The following POLDIP2 variants were observed in gnomAD, a reference collection of about 807,000 sequenced individuals.
The protein encoded by POLDIP2 is polymerase delta-interacting protein 2.
POLDIP2 carries 32 observed loss-of-function variants against 52.9 expected under a neutral mutation model. The ratio of observed to expected loss-of-function variants is 0.61; its 90% confidence interval spans 0.46 to 0.81. POLDIP2 has a LOEUF of 0.81. Among genes scored for constraint, POLDIP2 ranks in the 40% least tolerant of loss-of-function variants. The pLI, the probability that POLDIP2 is intolerant of heterozygous loss-of-function variation, is 0.00. For missense variants in POLDIP2, 371 were observed against 477.3 expected, an observed-to-expected ratio of 0.78 and a Z score of 2.07; for synonymous variants, 183 against 183.0, an observed-to-expected ratio of 1.00 and a Z score of 0.00.
At chr17:28,348,859 A>G (rs574795840) in intron 10 of POLDIP2, among the ~76,000 whole-genome samples, 1 of 152,362 alleles carries the variant, frequency 6.6e-6, no homozygotes, top group African/African-American at 2.4e-5. Context: ...TCAAATCACC[A>G]GACCTCTTTA....
chr17:28,355,776 G>A lies in POLDIP2; in HGVS notation c.243+19C>T, dbSNP rs1908000967. On this transcript the variant is annotated intron_variant, in intron 2 of 10. Coordinates refer to ENST00000540200, the MANE Select transcript of POLDIP2 (RefSeq NM_015584.5). The stretch of plus-strand genomic sequence containing the variant: ...AGAGCACTCTATGAAAATGAAAGAT[G>A]ACCCAGCCCAATACTCACCTGCCCG... The A allele has an allele frequency of 1.9e-6, 3 of 1,590,938 alleles. No individual in the cohort carries two copies. Among genetic ancestry groups the A allele is most frequent in the African/African-American group, 1.3e-5 (1 of 74,496 alleles).
chr17:28,353,144 A>G, intron 5 of POLDIP2, 97 bp downstream of exon 5: 2 of 763,940 alleles, frequency 2.6e-6, no homozygotes, highest in Non-Finnish European at 4.7e-6. Context: ...TCTCAGCATC[A>G]TAATCCCTCC....
In POLDIP2 at chr17:28,357,440, G is replaced by A. The variant is rs1908107305; in HGVS notation, c.9C>T (p.Ala3=). MA[A]CTARRALAVG... ...CGGCCAGGGCCCGCCGGGCTGTACAGGCTGCCATGTCCCGCCCGAGCGCCC... is the reference window on the plus strand; with the variant it reads ...CGGCCAGGGCCCGCCGGGCTGTACAAGCTGCCATGTCCCGCCCGAGCGCCC... The change falls in exon 1 of 11, where the codon GCC becomes GCT. Residue 3 remains alanine (A), a synonymous_variant. Coordinates refer to ENST00000540200, the MANE Select transcript of POLDIP2 (RefSeq NM_015584.5). 3 of 1,474,560 alleles carry A rather than the reference G, an allele frequency of 2.0e-6. No individual in the cohort carries two copies. Among genetic ancestry groups the A allele is most frequent in the East Asian group, 2.7e-5 (1 of 37,520 alleles). The allele number at this position is 1,474,560 out of a possible 1,614,324, so 91.3% of individuals were successfully genotyped here. A position where few individuals can be genotyped will look rare whatever the true frequency, so the allele number is the denominator to read the frequency against.
At chr17:28,356,004 G>A (rs1908013092) in intron 1 of POLDIP2, 128 bp from the exon 2 acceptor site, 1 of 679,106 alleles carries the variant, frequency 1.5e-6, no homozygotes, top group Non-Finnish European at 2.6e-6. Context: ...GGGGTAGTGG[G>A]ACCAGCTGGA....
At chr17:28,354,858 T>A (rs1032758228) in intron 2 of POLDIP2, among the ~76,000 whole-genome samples, 4 of 152,230 alleles carry the variant, frequency 2.6e-5, no homozygotes, top group Non-Finnish European at 5.9e-5. Context: ...TATTGGCCAT[T>A]TGCAAATCGT....
intron 2 of POLDIP2, 133 bp downstream of exon 2, chr17:28,355,662 G>C (rs558674865): frequency 2.1e-5 from 9 of 431,550 alleles, no homozygotes; most frequent in Non-Finnish European, 4.2e-6. Flanking sequence ...ATACAAATTT[G>C]ATTCTGGAAT....
At chr17:28,355,919 G>C in intron 1 of POLDIP2, 43 bp from the exon 2 acceptor site, 1 of 1,462,830 alleles carries the variant, frequency 6.8e-7, no homozygotes, top group Non-Finnish European at 9.5e-7. Context: ...AAGCTGAGAA[G>C]GTAATGGTAG....
chr17:28,347,587 A>G lies in POLDIP2; in HGVS notation c.*530T>C. 6.5e-6 allele frequency: 1 copy of G among 154,256 alleles called. No homozygotes were observed. The highest frequency in any genetic ancestry group is 1.4e-5 in the Non-Finnish European group (1 of 69,406). 9.6% of individuals were successfully genotyped at this position (154,256 alleles called of 1,614,324 possible). A position where few individuals can be genotyped will look rare whatever the true frequency, so the allele number is the denominator to read the frequency against. Reference sequence around the variant, plus strand: ...TTTGGCAGAAGGTAAAGTGAACAAGAGTCCAGTCCAGCACCCCCGCCAACT... The same window carrying G: ...TTTGGCAGAAGGTAAAGTGAACAAGGGTCCAGTCCAGCACCCCCGCCAACT... On this transcript the variant is annotated 3_prime_UTR_variant, in exon 11 of 11. Coordinates refer to ENST00000540200, the MANE Select transcript of POLDIP2 (RefSeq NM_015584.5).
chr17:28,348,336 C>T, intron 10 of POLDIP2, 105 bp from the exon 11 acceptor site: 1 of 692,462 alleles, frequency 1.4e-6, no homozygotes, highest in Non-Finnish European at 2.6e-6. Flanking sequence ...ACATGTGAGC[C>T]TGAGCTCTCT....
At chr17:28,351,294 C>T (rs1370821918) in intron 7 of POLDIP2, among the ~76,000 whole-genome samples, 1 of 152,180 alleles carries the variant, frequency 6.6e-6, no homozygotes, top group Non-Finnish European at 1.5e-5. Flanking sequence ...AGTTGGGCGG[C>T]CCCTACCACT....
In POLDIP2 at chr17:28,351,757, C is replaced by T. The variant is rs782279076; in HGVS notation, c.666G>A (p.Glu222=). The T allele has an allele frequency of 5.6e-6, 9 of 1,613,790 alleles. No homozygotes were observed. In the Admixed American group the frequency reaches 1.5e-4, roughly 27 times the overall value. The part of the protein sequence containing the change: ...VARETLRAWQ[E]KNHPWLELSD... ...AGAGCTCCAGCCAGGGGTGATTCTT[C>T]TCTTGCCAGGCCCTTAGCGTCTCCC... Residue 222 remains glutamate (E), a synonymous_variant, in exon 7 of 11, where the codon GAG becomes GAA. Transcript: ENST00000540200.
chr17:28,357,511 C>T lies in POLDIP2; in HGVS notation c.-63G>A. ...CCCGACCCGCGGCCGGGCGGCGTTC[C>T]GCCCCAGTCCCACACTGCCCCGCGC... On this transcript the variant is annotated 5_prime_UTR_variant, in exon 1 of 11. Coordinates refer to ENST00000540200, the MANE Select transcript of POLDIP2 (RefSeq NM_015584.5). 3 of 1,438,584 alleles carry T rather than the reference C, an allele frequency of 2.1e-6. No homozygotes were observed. The highest frequency in any genetic ancestry group is 2.6e-4 in the Middle Eastern group (1 of 3,902). The allele number at this position is 1,438,584 out of a possible 1,614,324, so 89.1% of individuals were successfully genotyped here. A position where few individuals can be genotyped will look rare whatever the true frequency, so the allele number is the denominator to read the frequency against.
At chr17:28,355,708 A>G (rs1597802652) in intron 2 of POLDIP2, 87 bp downstream of exon 2, 1 of 824,692 alleles carries the variant, frequency 1.2e-6, no homozygotes, top group Non-Finnish European at 2.0e-6. Context: ...ATGGAACACC[A>G]TACCATGCAG....
intron 1 of POLDIP2, 63 bp downstream of exon 1, chr17:28,357,225 G>A (rs1908082968): frequency 6.8e-7 from 1 of 1,461,606 alleles, no homozygotes; most frequent in Admixed American, 2.1e-5. Flanking sequence ...CTCCGCACTG[G>A]CTAGGAACAC....
At chr17:28,357,147 C>G (rs1261254029) in intron 1 of POLDIP2, 141 bp downstream of exon 1, 2 of 791,998 alleles carry the variant, frequency 2.5e-6, no homozygotes, top group South Asian at 2.0e-5. Flanking sequence ...CAGCGCAGGT[C>G]GGCTCCCTGC....
intron 7 of POLDIP2, among the ~76,000 whole-genome samples, chr17:28,351,191 G>A (rs558917984): frequency 1.1e-4 from 16 of 152,208 alleles, no homozygotes; most frequent in African/African-American, 3.9e-4. Flanking sequence ...CTACTATAAG[G>A]TCCTGGAAGA....
chr17:28,350,599 T>A (rs782795106), intron 8 of POLDIP2, 36 bp from the exon 9 acceptor site: 7 of 1,599,958 alleles, frequency 4.4e-6, no homozygotes, highest in Admixed American at 1.7e-5. Flanking sequence ...TTAAAAAAAA[T>A]AAAATTTGGG....
Position 28,348,067 on chromosome 17 carries a change from G to T in POLDIP2, c.*50C>A. On this transcript the variant is annotated 3_prime_UTR_variant, in exon 11 of 11. Coordinates refer to ENST00000540200, the MANE Select transcript of POLDIP2 (RefSeq NM_015584.5). Reference sequence around the variant, plus strand: ...GAGTTCTGCAGCAATTGTGGGATGAGAGTTGTTCTTCCCGGTGACCAAGCC... The same window carrying T: ...GAGTTCTGCAGCAATTGTGGGATGATAGTTGTTCTTCCCGGTGACCAAGCC... 2 of 1,021,418 alleles carry T rather than the reference G, an allele frequency of 2.0e-6. No homozygotes were observed. Among genetic ancestry groups the T allele is most frequent in the South Asian group, 1.3e-5 (1 of 78,380 alleles). 63.3% of individuals were successfully genotyped at this position (1,021,418 alleles called of 1,614,324 possible). A position where few individuals can be genotyped will look rare whatever the true frequency, so the allele number is the denominator to read the frequency against.
intron 8 of POLDIP2, 83 bp downstream of exon 8, chr17:28,350,683 G>T (rs1397908711): frequency 6.4e-7 from 1 of 1,552,772 alleles, no homozygotes; most frequent in Non-Finnish European, 8.8e-7. Context: ...TTCCGCTCTC[G>T]TCAGAAGGTG....
Sources: gnomAD v4.1 joint callset for allele counts (sites outside exome capture counted in the v4.1 genomes callset) on GRCh38, gnomAD v4.1.1 for gene constraint, MANE v1.5 for transcripts, NCBI Gene and HGNC (gene_info 2026-07-23, HGNC 2026-07-21) for gene names.